Variants in RBFOX1 observed in about 807,000 individuals in gnomAD.
RBFOX1 encodes RNA binding protein fox-1 homolog 1.
Under a neutral mutation model 57.7 loss-of-function variants are expected in RBFOX1, and 8 were observed. That is an observed-to-expected ratio of 0.14 (90% CI 0.08 to 0.25). The LOEUF (loss-of-function observed/expected upper bound fraction) is 0.25, where lower values mean the gene tolerates loss of function less well. Ranked by LOEUF, RBFOX1 falls within the 10% of genes least tolerant of loss-of-function variation. The pLI is 1.00. For missense variants in RBFOX1, 611 were observed against 548.5 expected (o/e 1.11, Z -1.14); for synonymous variants, 326 against 222.4 (o/e 1.47, Z -4.15).
At chr16:5,657,658 TTTTCTTTCTTTCTTTTCTTTTC>T (rs1407900192) in intron 3 of RBFOX1, among the ~76,000 whole-genome samples, 83 of 126,136 alleles carry the variant, frequency 6.6e-4, no homozygotes, top group Non-Finnish European at 4.0e-4. Context: ...CTTTCTTTTC[TTTTCTTTCTTTCTTTTCTTTTC>T]TTTCTTTCTT....
At chr16:6,573,988 C>T (rs986397769) in intron 2 of RBFOX1, 2 of 152,306 alleles carry the variant, frequency 1.3e-5, no homozygotes, top group Non-Finnish European at 2.9e-5. Flanking sequence ...TAACAGACAT[C>T]CTCCGCGGGC....
intron 3 of RBFOX1, among the ~76,000 whole-genome samples, chr16:5,678,579 G>A (rs1305848379): frequency 6.6e-6 from 1 of 152,176 alleles, no homozygotes; most frequent in African/African-American, 2.4e-5. Context: ...GGATGGTTAC[G>A]TGGTTAATCA....
At chr16:5,454,597 C>T (rs1302013217) in intron 1 of RBFOX1, among the ~76,000 whole-genome samples, 1 of 152,300 alleles carries the variant, frequency 6.6e-6, no homozygotes, top group Admixed American at 6.5e-5. Context: ...AGAGGGAATT[C>T]TGCAGTAGGT....
intron 3 of RBFOX1, among the ~76,000 whole-genome samples, chr16:5,677,557 G>T (rs531717722): frequency 2.0e-5 from 3 of 152,046 alleles, no homozygotes; most frequent in Non-Finnish European, 4.4e-5. Flanking sequence ...GAAATTCACC[G>T]GACCAATCCA....
chr16:7,500,787 G>C (rs981057835), intron 4 of RBFOX1, among the ~76,000 whole-genome samples: 1 of 152,168 alleles, frequency 6.6e-6, no homozygotes, highest in African/African-American at 2.4e-5. Flanking sequence ...GATATGGTTT[G>C]TCAGTGTCCC....
chr16:7,349,957 G>A (rs1042075740), intron 4 of RBFOX1, among the ~76,000 whole-genome samples: 19 of 152,124 alleles, frequency 1.2e-4, no homozygotes, highest in African/African-American at 4.3e-4. Context: ...GACCAGCCTG[G>A]GCAACATGGT....
At position 5,635,416 on chromosome 16, in the gene RBFOX1, A is replaced by G. The variant is rs79534696; in HGVS notation, c.318+36455A>G. Among the ~76,000 whole-genome samples the G allele has an allele frequency of 6.3e-3, 961 of 152,330 alleles. 11 individuals carry two copies. Among genetic ancestry groups the G allele is most frequent in the African/African-American group, 0.022 (910 of 41,574 alleles). ...ATGTTGTGAACACCTGGTGGCCTCC[A>G]TTCCTCATGGAGTTAAGCTGAAAGT... On this transcript the variant is annotated intron_variant, in intron 3 of 19. Transcript: ENST00000641259.
At chr16:5,298,291 A>G (rs12918734) in intron 1 of RBFOX1, among the ~76,000 whole-genome samples, 128,919 of 152,188 alleles carry the variant, frequency 0.85, 54,698 homozygotes, top group South Asian at 0.92. Context: ...TGTAAATTCT[A>G]TAGTGAGAGG....
chr16:5,827,466 C>A (rs936688241), intron 3 of RBFOX1, among the ~76,000 whole-genome samples: 2 of 151,202 alleles, frequency 1.3e-5, no homozygotes, highest in Non-Finnish European at 2.9e-5. Context: ...TACTTCTACA[C>A]AGTAGTTGAA....
chr16:5,730,404 T>C (rs1000707996), intron 3 of RBFOX1, among the ~76,000 whole-genome samples: 1 of 152,162 alleles, frequency 6.6e-6, no homozygotes, highest in Non-Finnish European at 1.5e-5. Flanking sequence ...TGAGAGGGTC[T>C]GTAGAGGGCA....
chr16:6,056,335 G>T (rs1261714204), intron 1 of RBFOX1, among the ~76,000 whole-genome samples: 1 of 152,164 alleles, frequency 6.6e-6, no homozygotes, highest in African/African-American at 2.4e-5. Context: ...GTAAGCAAAA[G>T]ATTCTAATGA....
intron 4 of RBFOX1, among the ~76,000 whole-genome samples, chr16:7,098,243 C>G (rs1000007032): frequency 1.3e-5 from 2 of 152,202 alleles, no homozygotes; most frequent in African/African-American, 4.8e-5. Context: ...GATCTTGGCC[C>G]ATTACAACCT....
intron 3 of RBFOX1, chr16:5,838,785 C>G (rs2118014): frequency 6.6e-6 from 1 of 152,232 alleles, no homozygotes; most frequent in South Asian, 2.1e-4. Flanking sequence ...AAAAAAATCT[C>G]TCTCTGCAAA....
At chr16:5,544,750 G>A (rs2151068364) in intron 2 of RBFOX1, among the ~76,000 whole-genome samples, 1 of 152,072 alleles carries the variant, frequency 6.6e-6, no homozygotes, top group Non-Finnish European at 1.5e-5. Context: ...GATAATATGG[G>A]AATATTGTGA....
Position 7,207,460 on chromosome 16 carries a change from C to A in RBFOX1, c.27+155362C>A, listed in dbSNP as rs574557016. Reference sequence around the variant, plus strand: ...GTCAAAACATAACATTTTATTAAAACCACATCCAGTGCAACCCCCGGACTG... The same window carrying A: ...GTCAAAACATAACATTTTATTAAAAACACATCCAGTGCAACCCCCGGACTG... On this transcript the variant is annotated intron_variant, in intron 4 of 15. Coordinates refer to ENST00000550418, the MANE Select transcript of RBFOX1 (RefSeq NM_018723.4). Among the ~76,000 whole-genome samples the A allele has an allele frequency of 6.3e-4, 96 of 152,244 alleles. 1 individual carries two copies. The highest frequency in any genetic ancestry group is 2.2e-3 in the African/African-American group (93 of 41,542).
At chr16:5,551,794 C>T (rs1430899347) in intron 2 of RBFOX1, among the ~76,000 whole-genome samples, 2 of 151,758 alleles carry the variant, frequency 1.3e-5, no homozygotes, top group African/African-American at 4.8e-5. Context: ...TCCCTCCGCC[C>T]CCCACCCCCC....
intron 3 of RBFOX1, among the ~76,000 whole-genome samples, chr16:6,802,617 C>T (rs1026451156): frequency 6.6e-6 from 1 of 152,154 alleles, no homozygotes; most frequent in Non-Finnish European, 1.5e-5. Flanking sequence ...GCCGAGATTG[C>T]AGTGAGTTGA....
At chr16:7,260,197 C>A (rs1319480172) in intron 4 of RBFOX1, among the ~76,000 whole-genome samples, 1 of 152,172 alleles carries the variant, frequency 6.6e-6, no homozygotes, top group Non-Finnish European at 1.5e-5. Flanking sequence ...TATGGAATCA[C>A]ATGCTTTTAG....
chr16:6,992,389 T>G (rs2091630769), intron 3 of RBFOX1, among the ~76,000 whole-genome samples: 1 of 152,118 alleles, frequency 6.6e-6, no homozygotes, highest in Non-Finnish European at 1.5e-5. Flanking sequence ...AGCTAATTTT[T>G]GTATTTTTAG....
Sources: gnomAD v4.1 joint callset for allele counts (sites outside exome capture counted in the v4.1 genomes callset) on GRCh38, gnomAD v4.1.1 for gene constraint, MANE v1.5 for transcripts, NCBI Gene and HGNC (gene_info 2026-07-23, HGNC 2026-07-21) for gene names.